The following PHF20 variants were observed in gnomAD, a reference collection of about 807,000 sequenced individuals.
The protein encoded by PHF20 is PHD finger protein 20, also known as glioma-expressed antigen 2.
A neutral mutation model predicts 113.5 loss-of-function variants in PHF20; 23 were observed. The observed-to-expected ratio is 0.20, with a 90% CI of 0.15 to 0.29. The LOEUF (loss-of-function observed/expected upper bound fraction) is 0.29, where lower values mean the gene tolerates loss of function less well. Ranked by LOEUF, PHF20 falls within the 10% of genes least tolerant of loss-of-function variation. The pLI is 1.00. For synonymous variants in PHF20, 434 were observed against 457.3 expected (o/e 0.95, Z 0.65); for missense variants, 943 against 1,219.6 (o/e 0.77, Z 3.38).
chr20:35,882,698 G>A (rs1194901916), intron 9 of PHF20, among the ~76,000 whole-genome samples: 1 of 152,166 alleles, frequency 6.6e-6, no homozygotes, highest in Non-Finnish European at 1.5e-5. Flanking sequence ...TTGGAGGTGT[G>A]AGTCACTATG....
At chr20:35,811,966 G>T (rs1197033783) in intron 2 of PHF20, among the ~76,000 whole-genome samples, 1 of 149,654 alleles carries the variant, frequency 6.7e-6, no homozygotes, top group Non-Finnish European at 1.5e-5. Flanking sequence ...ATAGAGACGG[G>T]GTTTCACCGT....
At chr20:35,857,028 A>G (rs1374128451) in intron 4 of PHF20, among the ~76,000 whole-genome samples, 1 of 152,128 alleles carries the variant, frequency 6.6e-6, no homozygotes, top group Non-Finnish European at 1.5e-5. Context: ...TCAGAAGGAG[A>G]AAACCAGGTC....
intron 9 of PHF20, among the ~76,000 whole-genome samples, chr20:35,888,002 CAG>C (rs1198415392): frequency 1.4e-5 from 2 of 141,330 alleles, no homozygotes; most frequent in Non-Finnish European, 3.0e-5. Flanking sequence ...TTTTCTGAGA[CAG>C]AGTTTCGCTC....
At chr20:35,850,723 T>G in intron 4 of PHF20, 1 of 472,806 alleles carries the variant, frequency 2.1e-6, no homozygotes, top group South Asian at 2.4e-5. Flanking sequence ...GGGGATGGGT[T>G]CCATTCTATT....
chr20:35,793,156 A>G (rs1028892200), intron 1 of PHF20, among the ~76,000 whole-genome samples: 1 of 152,156 alleles, frequency 6.6e-6, no homozygotes, highest in African/African-American at 2.4e-5. Flanking sequence ...TCTAGGTTCA[A>G]GCTGTGTGTG....
At chr20:35,803,006 CACT>C (rs1403695720) in intron 2 of PHF20, among the ~76,000 whole-genome samples, 1 of 150,034 alleles carries the variant, frequency 6.7e-6, no homozygotes, top group Non-Finnish European at 1.5e-5. Flanking sequence ...ATAATCCCAG[CACT>C]TTGGGAGGCT....
intron 10 of PHF20, among the ~76,000 whole-genome samples, chr20:35,910,150 A>C (rs1397283048): frequency 1.3e-5 from 2 of 152,210 alleles, no homozygotes; most frequent in Admixed American, 1.3e-4. Context: ...ATGCTAAATG[A>C]AAGAAACCAG....
At chr20:35,887,085 A>G (rs896668864) in intron 9 of PHF20, among the ~76,000 whole-genome samples, 2 of 152,228 alleles carry the variant, frequency 1.3e-5, no homozygotes, top group African/African-American at 4.8e-5. Context: ...GGTACACAAA[A>G]TATTAAATAG....
At chr20:35,850,882 G>A in intron 4 of PHF20, 1 of 957,300 alleles carries the variant, frequency 1.0e-6, no homozygotes, top group Non-Finnish European at 1.6e-6. Flanking sequence ...CGAACTTGGA[G>A]ATGACTGAGT....
intron 1 of PHF20, among the ~76,000 whole-genome samples, chr20:35,774,306 C>T (rs923348234): frequency 6.6e-6 from 1 of 152,050 alleles, no homozygotes; most frequent in African/African-American, 2.4e-5. Flanking sequence ...CTCCTGACCT[C>T]GTGATCCACC....
At chr20:35,893,358 C>G (rs2147043344) in intron 9 of PHF20, among the ~76,000 whole-genome samples, 1 of 151,436 alleles carries the variant, frequency 6.6e-6, no homozygotes, top group Non-Finnish European at 1.5e-5. Context: ...TCACCCAGGT[C>G]AATGGTGTGA....
Position 35,938,685 on chromosome 20 carries a change from T to C in PHF20, c.2301-12T>C. 1 of 1,589,858 alleles carries C rather than the reference T, an allele frequency of 6.3e-7. No individual in the cohort carries two copies. On this transcript the variant is annotated splice_polypyrimidine_tract_variant and intron_variant, in intron 15 of 17. Transcript: ENST00000374012. ...TACTCCAAAGCCCATGTCCTCTTTG[T>C]CCTCTCAACAGAAGCCGGGAGCATC... is the stretch of plus-strand genomic sequence containing the variant.
chr20:35,783,837 G>T (rs2041351718), intron 1 of PHF20, among the ~76,000 whole-genome samples: 1 of 151,868 alleles, frequency 6.6e-6, no homozygotes, highest in African/African-American at 2.4e-5. Flanking sequence ...CAAAAAATTA[G>T]CCGGGCATGG....
intron 9 of PHF20, among the ~76,000 whole-genome samples, chr20:35,885,744 G>T (rs2147024534): frequency 6.6e-6 from 1 of 151,912 alleles, no homozygotes. Context: ...CTTACCTAAG[G>T]TAGTATCTAC....
At chr20:35,943,271 G>A (rs182046994) in intron 17 of PHF20, among the ~76,000 whole-genome samples, 1 of 152,020 alleles carries the variant, frequency 6.6e-6, no homozygotes, top group Non-Finnish European at 1.5e-5. Context: ...TCTAGGAGGC[G>A]GAGGTTGCAG....
intron 13 of PHF20, among the ~76,000 whole-genome samples, chr20:35,918,058 A>G (rs528383354): frequency 7.0e-4 from 106 of 152,326 alleles, no homozygotes; most frequent in African/African-American, 2.5e-3. Context: ...ATCCAAAGTC[A>G]TGCAGGCTGG....
intron 17 of PHF20, among the ~76,000 whole-genome samples, 176 bp from the exon 18 acceptor site, chr20:35,947,309 G>A (rs1600985399): frequency 6.6e-6 from 1 of 152,200 alleles, no homozygotes; most frequent in African/African-American, 2.4e-5. Flanking sequence ...TTGTAGAGCA[G>A]GTGTTGACAC....
At chr20:35,804,889 G>A (rs1389600502) in intron 2 of PHF20, among the ~76,000 whole-genome samples, 1 of 151,858 alleles carries the variant, frequency 6.6e-6, no homozygotes, top group East Asian at 1.9e-4. Context: ...TTTTTATTTT[G>A]TTTTTATTAT....
rs17431878 is a variant in PHF20, at chr20:35,914,185, G to A, written c.1813G>A (p.Val605Met). The part of the protein sequence containing the change: ...GPESGHHKGK[V>M]KALEEDNLSE... The stretch of plus-strand genomic sequence containing the variant: ...AGAATCTGGACACCACAAAGGGAAA[G>A]TGAAAGCATTGGGTAAGGAGGCTCT... The change falls in exon 12 of 18, where the codon GTG (valine) becomes ATG (methionine). Residue 605 changes from valine to methionine, a missense_variant. Coordinates refer to ENST00000374012, the MANE Select transcript of PHF20 (RefSeq NM_016436.5). The A allele has an allele frequency of 0.1, 165,304 of 1,613,810 alleles. 8,953 individuals are homozygous for A. Among genetic ancestry groups the A allele is most frequent in the South Asian group, 0.16 (14,991 of 91,070 alleles).
Sources: gnomAD v4.1 joint callset for allele counts (sites outside exome capture counted in the v4.1 genomes callset) on GRCh38, gnomAD v4.1.1 for gene constraint, MANE v1.5 for transcripts, NCBI Gene and HGNC (gene_info 2026-07-23, HGNC 2026-07-21) for gene names.